The following MALRD1 variants were observed in gnomAD, a reference collection of about 807,000 sequenced individuals.
MALRD1 encodes the protein MAM and LDL-receptor class A domain-containing protein 1.
A neutral mutation model predicts 242.1 loss-of-function variants in MALRD1; 247 were observed. The observed-to-expected ratio is 1.02, with a 90% CI of 0.92 to 1.13. The LOEUF is 1.13. Ranked by LOEUF, MALRD1 falls within the 50% of genes most tolerant of loss-of-function variation. The pLI, the probability that MALRD1 is intolerant of heterozygous loss-of-function variation, is 0.00. For synonymous variants in MALRD1, 995 were observed against 866.6 expected (o/e 1.15, Z -2.60); for missense variants, 2,989 against 2,533.1 (o/e 1.18, Z -3.86).
At chr10:19,288,360 C>T (rs373589637) in intron 21 of MALRD1, among the ~76,000 whole-genome samples, 77 of 152,080 alleles carry the variant, frequency 5.1e-4, no homozygotes, top group African/African-American at 1.6e-3. Flanking sequence ...ATGATAACAA[C>T]CCTGTTGTGT....
rs528228826 is a variant in MALRD1, at chr10:19,287,036, A to G, written c.3419+3855A>G. ...TCAATATACGCAAATCAATAAATGT[A>G]ATACATACCAACTTTTTATGTCTAC... On this transcript the variant is annotated intron_variant, in intron 21 of 39. Transcript: ENST00000454679. Among the ~76,000 whole-genome samples the G allele has an allele frequency of 5.9e-5, 9 of 152,248 alleles. No homozygotes were observed. In the South Asian group the frequency reaches 1.7e-3, roughly 28 times the overall value.
chr10:19,264,535 GCTCCGCCTCCCAGGTTCACGCCATT>G (rs1327270576), intron 19 of MALRD1, among the ~76,000 whole-genome samples: 2 of 149,966 alleles, frequency 1.3e-5, no homozygotes, highest in Non-Finnish European at 3.0e-5. Context: ...CTCACTGCAA[GCTCCGCCTCCCAGGTTCACGCCATT>G]CTCCAGCCTC....
chr10:19,128,551 A>T (rs373363530), intron 8 of MALRD1, among the ~76,000 whole-genome samples, 164 bp downstream of exon 8: 34 of 152,254 alleles, frequency 2.2e-4, no homozygotes, highest in African/African-American at 7.7e-4. Context: ...AGGATAGGGG[A>T]CACTCTCATG....
intron 28 of MALRD1, among the ~76,000 whole-genome samples, chr10:19,446,824 A>T (rs2496070): frequency 0.7 from 106,825 of 151,952 alleles, 37,632 homozygotes; most frequent in Non-Finnish European, 0.74. Context: ...ACATGCTTAT[A>T]TCCTCTGGGT....
intron 26 of MALRD1, among the ~76,000 whole-genome samples, chr10:19,372,461 A>G (rs1422571495): frequency 1.3e-5 from 2 of 151,996 alleles, no homozygotes; most frequent in African/African-American, 2.4e-5. Context: ...GGCCTCTTGA[A>G]ATAATATTTA....
chr10:19,603,179 C>G (rs1838447549), intron 34 of MALRD1, among the ~76,000 whole-genome samples: 1 of 152,136 alleles, frequency 6.6e-6, no homozygotes, highest in African/African-American at 2.4e-5. Context: ...TTTTGCTGTG[C>G]AGAAGCTCTT....
In MALRD1 at chr10:19,205,174, C is replaced by T. The variant is rs1247978083; in HGVS notation, c.2487C>T (p.Phe829=). 9.0e-6 allele frequency: 14 copies of T among 1,550,842 alleles called. No individual in the cohort carries two copies. The South Asian group carries it at 9.5e-5, about 11-fold the overall frequency. Residue 829 remains phenylalanine (F), a synonymous_variant, in exon 17 of 40, where the codon TTC becomes TTT. Coordinates refer to ENST00000454679, the MANE Select transcript of MALRD1 (RefSeq NM_001142308.3). ...PAESCEGLDH[F]WCRHTRACIE... ...AGAGCTGTGAAGGGCTGGATCATTT[C>T]TGGTGTCGCCACACCAGGGCTTGCA...
In MALRD1 at chr10:19,288,689, G is replaced by T. The variant is rs951281656; in HGVS notation, c.3419+5508G>T. On this transcript the variant is annotated intron_variant, in intron 21 of 39. Transcript: ENST00000454679. ...GTTCTGTTGTGTGCCCAAGTCCTGC[G>T]AGATCCCATCCTTCCTCCTCTCATT... Among the ~76,000 whole-genome samples, 3 of 151,982 alleles carry T rather than the reference G, an allele frequency of 2.0e-5. No homozygotes were observed. The East Asian group carries it at 5.8e-4, about 29-fold the overall frequency.
chr10:19,337,175 A>G (rs1261289259), intron 24 of MALRD1, among the ~76,000 whole-genome samples: 1 of 152,032 alleles, frequency 6.6e-6, no homozygotes, highest in Non-Finnish European at 1.5e-5. Context: ...CATACTTAAC[A>G]TATGTGTATA....
chr10:19,471,203 T>C (rs4748588), intron 29 of MALRD1, among the ~76,000 whole-genome samples: 130,878 of 151,824 alleles, frequency 0.86, 56,572 homozygotes, highest in East Asian at 1. Flanking sequence ...TTTTTCATTA[T>C]GTATTCTTGG....
chr10:19,578,837 C>T (rs111493782), intron 33 of MALRD1, among the ~76,000 whole-genome samples: 107 of 152,022 alleles, frequency 7.0e-4, no homozygotes, highest in Middle Eastern at 3.4e-3. Context: ...GTGACATGTG[C>T]GCCCTGTCGG....
chr10:19,134,303 T>C (rs151322625), intron 9 of MALRD1, among the ~76,000 whole-genome samples: 400 of 152,354 alleles, frequency 2.6e-3, no homozygotes, highest in African/African-American at 9.1e-3. Flanking sequence ...GCAAATGTTT[T>C]GAATGCAATA....
intron 22 of MALRD1, among the ~76,000 whole-genome samples, chr10:19,326,450 T>A (rs73593870): frequency 0.084 from 12,713 of 152,166 alleles, 985 homozygotes; most frequent in African/African-American, 0.21. Flanking sequence ...AATGTTGCAT[T>A]AGTAAGTTTC....
chr10:19,126,210 G>A (rs889361574), intron 7 of MALRD1, among the ~76,000 whole-genome samples: 1 of 152,072 alleles, frequency 6.6e-6, no homozygotes, highest in East Asian at 1.9e-4. Flanking sequence ...ATTTCAGTAT[G>A]ATGAGTGCAG....
intron 28 of MALRD1, among the ~76,000 whole-genome samples, chr10:19,394,207 T>C (rs979830448): frequency 6.6e-5 from 10 of 152,202 alleles, no homozygotes; most frequent in African/African-American, 2.4e-4. Flanking sequence ...CATTGCTTTA[T>C]CTTGCTTAGT....
intron 23 of MALRD1, among the ~76,000 whole-genome samples, chr10:19,330,708 C>G (rs1238224299): frequency 6.6e-6 from 1 of 152,104 alleles, no homozygotes; most frequent in Non-Finnish European, 1.5e-5. Flanking sequence ...ATTAATGATT[C>G]CTGTTACTAT....
chr10:19,164,080 C>T (rs943416000), intron 12 of MALRD1, among the ~76,000 whole-genome samples: 1 of 152,178 alleles, frequency 6.6e-6, no homozygotes, highest in Non-Finnish European at 1.5e-5. Context: ...TCCTCTCTTT[C>T]CATGGAATTT....
intron 19 of MALRD1, among the ~76,000 whole-genome samples, chr10:19,264,072 G>C (rs1324301660): frequency 6.6e-6 from 1 of 152,104 alleles, no homozygotes; most frequent in Non-Finnish European, 1.5e-5. Context: ...CTTGTTAAAA[G>C]TTTTAAGACT....
chr10:19,180,202 G>A (rs919597729), intron 14 of MALRD1, among the ~76,000 whole-genome samples: 1 of 152,150 alleles, frequency 6.6e-6, no homozygotes, highest in Non-Finnish European at 1.5e-5. Context: ...CAAAGAGTTG[G>A]AGAGACTCTT....
Sources: gnomAD v4.1 joint callset for allele counts (sites outside exome capture counted in the v4.1 genomes callset) on GRCh38, gnomAD v4.1.1 for gene constraint, MANE v1.5 for transcripts, NCBI Gene and HGNC (gene_info 2026-07-23, HGNC 2026-07-21) for gene names.